The following ZFP91 variants were observed in gnomAD, a reference collection of about 807,000 sequenced individuals.
The protein encoded by ZFP91 is ZFP91 zinc finger protein, atypical E3 ubiquitin ligase.
A neutral mutation model predicts 63.5 loss-of-function variants in ZFP91; 7 were observed. The observed-to-expected ratio is 0.11, with a 90% CI of 0.06 to 0.21. The LOEUF (loss-of-function observed/expected upper bound fraction) is 0.21, where lower values mean the gene tolerates loss of function less well. Among genes scored for constraint, ZFP91 ranks in the 10% least tolerant of loss-of-function variants. ZFP91 has a pLI of 1.00. For missense variants in ZFP91, 628 were observed against 736.6 expected, an observed-to-expected ratio of 0.85 and a Z score of 1.71; for synonymous variants, 330 against 272.1, an observed-to-expected ratio of 1.21 and a Z score of -2.10.
chr11:58,598,275 CAAAT>C (rs532867492), intron 2 of ZFP91, among the ~76,000 whole-genome samples: 3 of 152,056 alleles, frequency 2.0e-5, no homozygotes, highest in Non-Finnish European at 4.4e-5. Flanking sequence ...GTAATGTCAT[CAAAT>C]AGAGTGGTAT....
rs1855797592 is a variant in ZFP91, at chr11:58,618,769, A to G, written c.*1063A>G. The G allele has an allele frequency of 8.9e-6, 4 of 449,764 alleles. No individual in the cohort carries two copies. The highest frequency in any genetic ancestry group is 1.8e-5 in the Non-Finnish European group (4 of 224,978). 27.9% of individuals were successfully genotyped at this position (449,764 alleles called of 1,614,324 possible). A position where few individuals can be genotyped will look rare whatever the true frequency, so the allele number is the denominator to read the frequency against. On this transcript the variant is annotated 3_prime_UTR_variant, in exon 11 of 11. Coordinates refer to ENST00000316059, the MANE Select transcript of ZFP91 (RefSeq NM_053023.5). ...AAAGCTGGTCCTCAGCACTAACAAA[A>G]TCACTACAATAGCCTAGTGCTTTTT...
At chr11:58,602,464 G>C (rs1346136660) in intron 2 of ZFP91, among the ~76,000 whole-genome samples, 1 of 151,786 alleles carries the variant, frequency 6.6e-6, no homozygotes, top group Non-Finnish European at 1.5e-5. Context: ...GGGGGAGAGG[G>C]AGAGGGGGCC....
At chr11:58,606,603 G>A (rs1650006581) in intron 2 of ZFP91, among the ~76,000 whole-genome samples, 2 of 151,972 alleles carry the variant, frequency 1.3e-5, no homozygotes, top group South Asian at 4.2e-4. Context: ...CCATCATGCA[G>A]GTACTGAGCA....
intron 2 of ZFP91, among the ~76,000 whole-genome samples, chr11:58,586,287 G>A (rs1590610267): frequency 6.6e-6 from 1 of 152,198 alleles, no homozygotes; most frequent in Non-Finnish European, 1.5e-5. Context: ...GAAGAAAGGT[G>A]GAAATTTGGA....
At chr11:58,612,169 C>G in intron 6 of ZFP91, 109 bp from the exon 7 acceptor site, 1 of 1,118,930 alleles carries the variant, frequency 8.9e-7, no homozygotes, top group Non-Finnish European at 1.3e-6. Flanking sequence ...CTTGGTTATC[C>G]TTTGCCACTT....
rs56110499 is a variant in ZFP91, at chr11:58,598,749, CGTGTGTGTGTGT to C, written c.371-11054_371-11043del. Among the ~76,000 whole-genome samples the C allele has an allele frequency of 3.0e-4, 36 of 120,906 alleles. No individual in the cohort carries two copies. In the East Asian group the frequency reaches 6.0e-3, roughly 20 times the overall value. The allele number at this position is 120,906 out of a possible 152,430, so 79.3% of individuals were successfully genotyped here. The stretch of plus-strand genomic sequence containing the variant: ...AGAAACCTGGCAATACTTTTGTGCA[CGTGTGTGTGTGT>C]GTGTGTGTGTGTGTGTGTGTGTGTG... On this transcript the variant is annotated intron_variant, in intron 2 of 10. Transcript: ENST00000316059.
At chr11:58,588,376 A>G (rs747776074) in intron 2 of ZFP91, among the ~76,000 whole-genome samples, 1 of 152,162 alleles carries the variant, frequency 6.6e-6, no homozygotes, top group African/African-American at 2.4e-5. Context: ...CTAGTTTATC[A>G]TAATCAGCAT....
chr11:58,579,327 C>A lies in ZFP91; in HGVS notation c.46C>A (p.Gln16Lys). 6.7e-7 allele frequency: 1 copy of A among 1,494,046 alleles called. No individual in the cohort carries two copies. The highest frequency in any genetic ancestry group is 1.3e-5 in the South Asian group (1 of 79,394). 92.5% of individuals were successfully genotyped at this position (1,494,046 alleles called of 1,614,324 possible). A position where few individuals can be genotyped will look rare whatever the true frequency, so the allele number is the denominator to read the frequency against. The stretch of plus-strand genomic sequence containing the variant: ...GCCGAGACCCCCGGAGCAGCAGGAC[C>A]AGGAAGGGGGAGAGGCGGCCAAGGC... ...EEPRPPEQQD[Q>K]EGGEAAKAAP... Residue 16 changes from glutamine (Q) to lysine (K), a missense_variant, in exon 1 of 11, where the codon CAG becomes AAG. Physicochemically the swap from Gln to Lys is moderately conservative, Grantham distance 53. Transcript: ENST00000316059.
rs1855651323 is a variant in ZFP91, at chr11:58,610,952, GTGAAGA to G, written c.621_626del (p.Ser207_Glu209delinsArg). The stretch of plus-strand genomic sequence containing the variant: ...CATTTCTATTTACTTATTTTTAGTA[GTGAAGA>G]GGAAGAGGAGGAGGAAGAAGAGATG... On this transcript the variant is annotated inframe_deletion, in exon 5 of 11. Coordinates refer to ENST00000316059, the MANE Select transcript of ZFP91 (RefSeq NM_053023.5). 1 of 1,610,534 alleles carries G rather than the reference GTGAAGA, an allele frequency of 6.2e-7. No individual in the cohort carries two copies. Among genetic ancestry groups the G allele is most frequent in the African/African-American group, 1.3e-5 (1 of 74,848 alleles).
intron 2 of ZFP91, among the ~76,000 whole-genome samples, chr11:58,598,776 G>C (rs1855446446): frequency 6.7e-6 from 1 of 150,368 alleles, no homozygotes. Context: ...GTGTGTGTGT[G>C]TGTGTGTGTG....
intron 2 of ZFP91, among the ~76,000 whole-genome samples, chr11:58,604,294 G>A (rs1049451414): frequency 6.6e-6 from 1 of 152,156 alleles, no homozygotes; most frequent in Non-Finnish European, 1.5e-5. Flanking sequence ...CATCACACAT[G>A]GGACAGGAGG....
At chr11:58,590,930 A>G (rs1474881291) in intron 2 of ZFP91, among the ~76,000 whole-genome samples, 2 of 151,256 alleles carry the variant, frequency 1.3e-5, no homozygotes, top group Non-Finnish European at 2.9e-5. Context: ...TCCTGAGATT[A>G]CAGGTGATTT....
At chr11:58,597,836 G>A (rs928808849) in intron 2 of ZFP91, among the ~76,000 whole-genome samples, 2 of 152,154 alleles carry the variant, frequency 1.3e-5, no homozygotes, top group Non-Finnish European at 2.9e-5. Flanking sequence ...TGCTTATTAA[G>A]CAATTCAACT....
chr11:58,585,740 C>T (rs1238519200), intron 2 of ZFP91, among the ~76,000 whole-genome samples: 3 of 152,090 alleles, frequency 2.0e-5, no homozygotes, highest in Admixed American at 2.0e-4. Context: ...GTATGTATTA[C>T]ATGTACATGA....
At chr11:58,590,131 C>G (rs1277044312) in intron 2 of ZFP91, among the ~76,000 whole-genome samples, 2 of 152,168 alleles carry the variant, frequency 1.3e-5, no homozygotes, top group African/African-American at 4.8e-5. Flanking sequence ...GTGGGGAAAG[C>G]CATATTCAGC....
At chr11:58,610,569 A>G (rs979000024) in intron 4 of ZFP91, among the ~76,000 whole-genome samples, 4 of 152,200 alleles carry the variant, frequency 2.6e-5, no homozygotes, top group Admixed American at 1.3e-4. Context: ...GACTTATTCC[A>G]TGGTAGGCAC....
At chr11:58,602,220 GC>G (rs1388251990) in intron 2 of ZFP91, among the ~76,000 whole-genome samples, 1 of 152,124 alleles carries the variant, frequency 6.6e-6, no homozygotes, top group Non-Finnish European at 1.5e-5. Flanking sequence ...ACTGCGCCTG[GC>G]CCAATATGTC....
intron 2 of ZFP91, among the ~76,000 whole-genome samples, chr11:58,596,780 T>C (rs970587910): frequency 6.6e-6 from 1 of 151,994 alleles, no homozygotes; most frequent in Non-Finnish European, 1.5e-5. Flanking sequence ...TGTGAAGTCA[T>C]GCACAACATC....
At chr11:58,601,671 C>G (rs1173911263) in intron 2 of ZFP91, among the ~76,000 whole-genome samples, 1 of 151,378 alleles carries the variant, frequency 6.6e-6, no homozygotes, top group Non-Finnish European at 1.5e-5. Context: ...CTGAGAACTG[C>G]TTTCACTGCA....
Sources: gnomAD v4.1 joint callset for allele counts (sites outside exome capture counted in the v4.1 genomes callset) on GRCh38, gnomAD v4.1.1 for gene constraint, MANE v1.5 for transcripts, NCBI Gene and HGNC (gene_info 2026-07-23, HGNC 2026-07-21) for gene names.